Variants in KIAA2012 observed in about 807,000 individuals in gnomAD.
KIAA2012 encodes the protein KIAA2012.
A neutral mutation model predicts 150.6 loss-of-function variants in KIAA2012; 125 were observed. The ratio of observed to expected loss-of-function variants is 0.83; its 90% confidence interval spans 0.72 to 0.96. The LOEUF (loss-of-function observed/expected upper bound fraction) is 0.96. Ranked by LOEUF, KIAA2012 falls within the 40% of genes least tolerant of loss-of-function variation. The probability of loss-of-function intolerance (pLI) is 0.00; values close to 1 mark genes in which losing one functional copy is unlikely to be tolerated. For missense variants in KIAA2012, 1,219 were observed against 1,354.9 expected (o/e 0.90, Z 1.57); for synonymous variants, 462 against 504.7 (o/e 0.92, Z 1.13).
At chr2:202,106,085 A>C in intron 9 of KIAA2012, 175 bp downstream of exon 9, 1 of 1,498,168 alleles carries the variant, frequency 6.7e-7, no homozygotes. Context: ...AAAGTGCTGC[A>C]CTAAAACTAA....
chr2:202,135,092 T>G (rs1447923573), intron 12 of KIAA2012, among the ~76,000 whole-genome samples: 1 of 152,228 alleles, frequency 6.6e-6, no homozygotes, highest in East Asian at 1.9e-4. Context: ...TGCCTGATTA[T>G]CTGGTGGGAA....
chr2:202,179,539 T>C (rs966375515), intron 15 of KIAA2012: 8 of 691,144 alleles, frequency 1.2e-5, no homozygotes, highest in Non-Finnish European at 1.9e-5. Flanking sequence ...TGGGCCCAGA[T>C]AACAAAGTGC....
At chr2:202,100,591 G>A in intron 7 of KIAA2012, 142 bp downstream of exon 7, 2 of 954,250 alleles carry the variant, frequency 2.1e-6, no homozygotes, top group African/African-American at 1.7e-5. Flanking sequence ...AGCTGACCAG[G>A]TGGAGCTGAA....
intron 21 of KIAA2012, among the ~76,000 whole-genome samples, chr2:202,196,204 T>C (rs1329037059): frequency 7.3e-6 from 1 of 137,278 alleles, no homozygotes; most frequent in East Asian, 2.0e-4. Flanking sequence ...TTTTTTTTTT[T>C]TTTTTTTTGA....
Position 202,090,753 on chromosome 2 carries a change from G to T in KIAA2012, c.370-17G>T. 1 of 1,539,938 alleles carries T rather than the reference G, an allele frequency of 6.5e-7. No homozygotes were observed. The highest frequency in any genetic ancestry group is 1.2e-5 in the South Asian group (1 of 83,008). ...GGGGTCAGCAGCTGTGCTGTTTCCT[G>T]ACTGGTGTCCCCACAGGGAGAGCAG... is the stretch of plus-strand genomic sequence containing the variant. On this transcript the variant is annotated splice_polypyrimidine_tract_variant and intron_variant, in intron 2 of 23. Coordinates refer to ENST00000498697, the MANE Select transcript of KIAA2012 (RefSeq NM_001277372.4).
intron 15 of KIAA2012, among the ~76,000 whole-genome samples, chr2:202,177,599 C>G (rs2105734599): frequency 6.6e-6 from 1 of 152,254 alleles, no homozygotes; most frequent in Non-Finnish European, 1.5e-5. Context: ...GTTGCCCAGG[C>G]TCAACCTGAA....
At chr2:202,127,471 C>CT (rs1690822311) in intron 12 of KIAA2012, among the ~76,000 whole-genome samples, 2 of 152,082 alleles carry the variant, frequency 1.3e-5, no homozygotes, top group South Asian at 4.2e-4. Flanking sequence ...GTATATAGAG[C>CT]TTAAGGGTTG....
chr2:202,090,919 C>G lies in KIAA2012; in HGVS notation c.519C>G (p.Leu173=). The change falls in exon 3 of 24, where the codon CTC becomes CTG. Residue 173 remains leucine (L), a synonymous_variant. Coordinates refer to ENST00000498697, the MANE Select transcript of KIAA2012 (RefSeq NM_001277372.4). ...RTWPPDAMYR[L]WCAGYIKDSV... ...GGCCCCCAGACGCCATGTATAGGCT[C>G]TGGTGCGCAGGTCAGTGGGGAAATG... 5 of 1,548,830 alleles carry G rather than the reference C, an allele frequency of 3.2e-6. No individual in the cohort carries two copies. Among genetic ancestry groups the G allele is most frequent in the Non-Finnish European group, 4.4e-6 (5 of 1,145,744 alleles).
chr2:202,183,200 G>C (rs1188250566), intron 15 of KIAA2012, among the ~76,000 whole-genome samples: 1 of 151,972 alleles, frequency 6.6e-6, no homozygotes, highest in South Asian at 2.1e-4. Flanking sequence ...CGGGCGGATC[G>C]CTTGAGCCCA....
rs368792240 is a variant in KIAA2012, at chr2:202,096,039, A to G, written c.686-1396A>G. Among the ~76,000 whole-genome samples, 512 of 152,150 alleles carry G rather than the reference A, an allele frequency of 3.4e-3. 12 individuals are homozygous for G. The South Asian group carries it at 0.039, about 12-fold the overall frequency. On this transcript the variant is annotated intron_variant, in intron 4 of 23. Transcript: ENST00000498697. ...GTGGAGGTTGCAGTGAGCCAAGATC[A>G]TGCCACTGCACTCCAGCCTGGGCAA...
intron 12 of KIAA2012, among the ~76,000 whole-genome samples, 155 bp downstream of exon 12, chr2:202,125,437 T>C (rs1342257566): frequency 1.3e-5 from 2 of 152,134 alleles, no homozygotes; most frequent in Non-Finnish European, 2.9e-5. Flanking sequence ...GCCTGAGAAA[T>C]GTGTTGTTCT....
intron 12 of KIAA2012, among the ~76,000 whole-genome samples, chr2:202,132,150 T>G (rs1575028358): frequency 6.6e-6 from 1 of 152,102 alleles, no homozygotes; most frequent in Non-Finnish European, 1.5e-5. Flanking sequence ...CACTCCAGCC[T>G]GGGCAACAAG....
chr2:202,162,334 T>A (rs60450749), intron 14 of KIAA2012, among the ~76,000 whole-genome samples: 7,033 of 151,402 alleles, frequency 0.046, 552 homozygotes, highest in African/African-American at 0.16. Flanking sequence ...GAGTGCAGTG[T>A]TGCGATCTCG....
Position 202,202,430 on chromosome 2 carries a change from C to T in KIAA2012, c.3409C>T (p.Gln1137Ter), listed in dbSNP as rs1367244514. 1 of 399,516 alleles carries T rather than the reference C, an allele frequency of 2.5e-6. No individual in the cohort carries two copies. The highest frequency in any genetic ancestry group is 2.1e-5 in the African/African-American group (1 of 48,614). 24.7% of individuals were successfully genotyped at this position (399,516 alleles called of 1,614,324 possible). The change falls in exon 23 of 24, where the codon CAA becomes TAA. Residue 1137 changes from glutamine to a stop codon, truncating the protein, a stop_gained and splice_region_variant. Transcript: ENST00000498697. LOFTEE classifies it high-confidence loss of function. ...TTGGGGGTGGGGTTGTCTCCTTAGG[C>T]AAAAAGCTGCTTTGGAGAAACATTT... Reference protein sequence around the residue: ...ATKQAQEQARQKAALEKHFHF... With the variant: ...ATKQAQEQAR
rs189486385 is a variant in KIAA2012 at position 202,082,018 on chromosome 2, T to C, written c.369+6843T>C. Among the ~76,000 whole-genome samples, 45 of 152,300 alleles carry C rather than the reference T, an allele frequency of 3.0e-4. 1 individual carries two copies. Among genetic ancestry groups the C allele is most frequent in the Admixed American group, 2.9e-3 (45 of 15,292 alleles). ...TTTTATTTTATAATAGCCATTCTAG[T>C]GGGTGTCAAGTGGAATCTCATTGTG... is the stretch of plus-strand genomic sequence containing the variant. On this transcript the variant is annotated intron_variant, in intron 2 of 23. Coordinates refer to ENST00000498697, the MANE Select transcript of KIAA2012 (RefSeq NM_001277372.4).
intron 13 of KIAA2012, among the ~76,000 whole-genome samples, chr2:202,146,152 T>A (rs771955657): frequency 6.6e-6 from 1 of 152,178 alleles, no homozygotes; most frequent in Non-Finnish European, 1.5e-5. Flanking sequence ...CTTTCACACA[T>A]GAACCGCACT....
chr2:202,084,682 A>T (rs1410496511), intron 2 of KIAA2012, among the ~76,000 whole-genome samples: 1 of 152,124 alleles, frequency 6.6e-6, no homozygotes, highest in Non-Finnish European at 1.5e-5. Context: ...TTTTAGAGTG[A>T]CTTTTGAGTG....
chr2:202,116,104 C>G (rs1454741608), intron 11 of KIAA2012: 2 of 152,190 alleles, frequency 1.3e-5, no homozygotes. Context: ...CCCCTAGTCA[C>G]AGTGCCAGCA....
intron 2 of KIAA2012, among the ~76,000 whole-genome samples, chr2:202,076,768 T>C (rs1336158947): frequency 6.6e-6 from 1 of 152,144 alleles, no homozygotes; most frequent in Non-Finnish European, 1.5e-5. Context: ...CCCTGTTGTT[T>C]GTGGACTCGA....
Sources: gnomAD v4.1 joint callset for allele counts (sites outside exome capture counted in the v4.1 genomes callset) on GRCh38, gnomAD v4.1.1 for gene constraint, MANE v1.5 for transcripts, NCBI Gene and HGNC (gene_info 2026-07-23, HGNC 2026-07-21) for gene names.